Variants in GOSR2 observed in about 807,000 individuals in gnomAD.
GOSR2 encodes golgi SNAP receptor complex member 2.
In GOSR2, 20 loss-of-function variants were observed where a neutral mutation model predicts 27.9. The ratio of observed to expected loss-of-function variants is 0.72; its 90% CI spans 0.50 to 1.04. The LOEUF is 1.04. Among genes scored for constraint, GOSR2 ranks in the 50% least tolerant of loss-of-function variants. The pLI, the probability that GOSR2 is intolerant of heterozygous loss-of-function variation, is 0.00. For missense variants in GOSR2, 261 were observed against 270.5 expected (o/e 0.97, Z 0.25); for synonymous variants, 91 against 98.8 (o/e 0.92, Z 0.47).
chr17:46,974,140 G>T (rs542555011), intron 6 of GOSR2, among the ~76,000 whole-genome samples: 1 of 152,202 alleles, frequency 6.6e-6, no homozygotes, highest in Non-Finnish European at 1.5e-5. Context: ...TACTATCCCC[G>T]ACTCAGAGGA....
chr17:46,927,771 T>G (rs188229829), intron 1 of GOSR2, among the ~76,000 whole-genome samples: 44 of 152,338 alleles, frequency 2.9e-4, no homozygotes, highest in Non-Finnish European at 3.2e-4. Context: ...TACTGCTTTG[T>G]AAGTCATAAT....
At chr17:46,936,405 A>C (rs1037497868) in intron 5 of GOSR2, 2 of 985,222 alleles carry the variant, frequency 2.0e-6, no homozygotes, top group East Asian at 2.3e-4. Flanking sequence ...TGCCACCCAC[A>C]CTGATACCAG....
chr17:46,926,036 G>T (rs189817152), intron 1 of GOSR2, among the ~76,000 whole-genome samples: 1 of 152,278 alleles, frequency 6.6e-6, no homozygotes, highest in East Asian at 1.9e-4. Context: ...GTATGTCCAG[G>T]ACACAAGAAG....
Position 46,931,166 on chromosome 17 carries a change from G to A in GOSR2, c.162G>A (p.Leu54=), listed in dbSNP as rs538712056. ...GCCGTCTAGAACGTCTGGAGATTTT[G>A]TCCAGCAAGGAGCCCCCTAACAAAA... ...IFSRLERLEI[L]SSKEPPNKRQ... The change falls in exon 3 of 6, where the codon TTG becomes TTA. Residue 54 remains leucine (L), a synonymous_variant. Transcript: ENST00000640051. 5 of 1,609,042 alleles carry A rather than the reference G, an allele frequency of 3.1e-6. No individual in the cohort carries two copies. The highest frequency in any genetic ancestry group is 4.3e-6 in the Non-Finnish European group (5 of 1,175,470).
At chr17:46,946,900 C>A (rs562550623), downstream of GOSR2, among the ~76,000 whole-genome samples, 1 of 152,240 alleles carries the variant, frequency 6.6e-6, no homozygotes, top group African/African-American at 2.4e-5. Context: ...TGTCGCGGGG[C>A]AGCAGTCAAG....
chr17:46,947,271 T>C (rs2089981436), intron 6 of GOSR2, among the ~76,000 whole-genome samples: 3 of 152,130 alleles, frequency 2.0e-5, no homozygotes, highest in African/African-American at 4.8e-5. Context: ...CTTTGGTGTA[T>C]GTGTGCAAGA....
chr17:46,970,114 T>G (rs2091375993), downstream of GOSR2, among the ~76,000 whole-genome samples: 1 of 152,196 alleles, frequency 6.6e-6, no homozygotes, highest in South Asian at 2.1e-4. Context: ...AGATAATATC[T>G]GTAAAGCACT....
At chr17:46,961,900 GATT>G (rs2091073555) in intron 6 of GOSR2, among the ~76,000 whole-genome samples, 1 of 152,192 alleles carries the variant, frequency 6.6e-6, no homozygotes, top group Non-Finnish European at 1.5e-5. Flanking sequence ...TACCCTAGGG[GATT>G]ATAGTTAGGG....
chr17:46,974,987 CTTTTTTTTTT>C (rs58438726), intron 6 of GOSR2, among the ~76,000 whole-genome samples: 2,156 of 119,062 alleles, frequency 0.018, 26 homozygotes, highest in African/African-American at 0.048. Flanking sequence ...TTACTATTTT[CTTTTTTTTTT>C]TTTTTTTTTT....
chr17:46,972,776 A>C (rs1355616212), intron 6 of GOSR2, among the ~76,000 whole-genome samples: 1 of 152,058 alleles, frequency 6.6e-6, no homozygotes, highest in African/African-American at 2.4e-5. Context: ...GGCAGCACTC[A>C]ATCTCCCGTG....
chr17:46,946,548 C>T (rs527608633), downstream of GOSR2, among the ~76,000 whole-genome samples: 7 of 151,902 alleles, frequency 4.6e-5, no homozygotes, highest in South Asian at 4.2e-4. Context: ...GTATTGCAGC[C>T]CTTAAACAGA....
chr17:46,943,034 CTT>C (rs1435881273), downstream of GOSR2, among the ~76,000 whole-genome samples: 1 of 151,798 alleles, frequency 6.6e-6, no homozygotes, highest in Non-Finnish European at 1.5e-5. Context: ...CATTCACCCT[CTT>C]ATTAATTGGC....
At chr17:46,946,117 C>T (rs2089841731), downstream of GOSR2, among the ~76,000 whole-genome samples, 1 of 151,992 alleles carries the variant, frequency 6.6e-6, no homozygotes, top group African/African-American at 2.4e-5. Flanking sequence ...TCTGTCGTCA[C>T]TCACTTGGAG....
intron 1 of GOSR2, among the ~76,000 whole-genome samples, chr17:46,927,721 T>C (rs1449730016): frequency 6.6e-6 from 1 of 152,204 alleles, no homozygotes; most frequent in Non-Finnish European, 1.5e-5. Flanking sequence ...CCTTTCCTTG[T>C]CTGTCTGCAC....
In GOSR2 at chr17:46,939,236, T is replaced by A. The variant is rs1365808370; in HGVS notation, c.*476T>A. ...CCATTATATTAAATAGTAGGTCGAT[T>A]CACATCCTCGTGCTCCTGGCCACCC... On this transcript the variant is annotated 3_prime_UTR_variant, in exon 6 of 6. Transcript: ENST00000640051. 1 of 1,046,518 alleles carries A rather than the reference T, an allele frequency of 9.6e-7. No individual in the cohort carries two copies. The highest frequency in any genetic ancestry group is 1.2e-6 in the Non-Finnish European group (1 of 864,520). The allele number at this position is 1,046,518 out of a possible 1,614,324, so 64.8% of individuals were successfully genotyped here.
At position 46,940,942 on chromosome 17, in the gene GOSR2, A is replaced by G; in HGVS notation, c.*2182A>G. 1.6e-6 allele frequency: 2 copies of G among 1,268,482 alleles called. No homozygotes were observed. The highest frequency in any genetic ancestry group is 2.0e-6 in the Non-Finnish European group (2 of 994,466). The allele number at this position is 1,268,482 out of a possible 1,614,324, so 78.6% of individuals were successfully genotyped here. On this transcript the variant is annotated 3_prime_UTR_variant, in exon 6 of 6. Transcript: ENST00000640051. ...GGTGAAAAATAGACCTTGGCCTAACAGTGTGACTCTCTCCACCGCCTCAGT... is the reference window on the plus strand; with the variant it reads ...GGTGAAAAATAGACCTTGGCCTAACGGTGTGACTCTCTCCACCGCCTCAGT...
chr17:46,932,307 G>T (rs2087519094), intron 4 of GOSR2, 108 bp downstream of exon 4: 2 of 1,319,162 alleles, frequency 1.5e-6, no homozygotes. Flanking sequence ...GAAGACTGAT[G>T]ATGAGGAAAC....
intron 6 of GOSR2, among the ~76,000 whole-genome samples, chr17:46,950,023 G>C (rs188214697): frequency 8.4e-4 from 128 of 152,368 alleles, no homozygotes; most frequent in African/African-American, 2.9e-3. Flanking sequence ...TGAGCAGTGT[G>C]TGTTGAAGAG....
intron 2 of GOSR2, 81 bp downstream of exon 2, chr17:46,929,665 C>T: frequency 1.3e-6 from 1 of 780,738 alleles, no homozygotes; most frequent in Non-Finnish European, 2.3e-6. Context: ...CTGCACTCTG[C>T]CTTGGGGGCT....
Sources: gnomAD v4.1 joint callset for allele counts (sites outside exome capture counted in the v4.1 genomes callset) on GRCh38, gnomAD v4.1.1 for gene constraint, MANE v1.5 for transcripts, NCBI Gene and HGNC (gene_info 2026-07-23, HGNC 2026-07-21) for gene names.